The following PDE3B variants were observed in gnomAD, a reference collection of about 807,000 sequenced individuals.
The protein encoded by PDE3B is phosphodiesterase 3B, also known as cGMP-inhibited 3',5'-cyclic phosphodiesterase 3B.
In PDE3B, 66 loss-of-function variants were observed where a neutral mutation model predicts 116.8. The ratio of observed to expected loss-of-function variants is 0.56; its 90% confidence interval spans 0.46 to 0.69. The LOEUF (loss-of-function observed/expected upper bound fraction) is 0.69. Among genes scored for constraint, PDE3B ranks in the 30% least tolerant of loss-of-function variants. The pLI is 0.00. For missense variants in PDE3B, 1,384 were observed against 1,368.1 expected, an observed-to-expected ratio of 1.01 and a Z score of -0.18; for synonymous variants, 595 against 533.6, an observed-to-expected ratio of 1.12 and a Z score of -1.59.
chr11:14,815,474 G>A (rs1367385432), intron 5 of PDE3B, among the ~76,000 whole-genome samples: 1 of 152,132 alleles, frequency 6.6e-6, no homozygotes, highest in Non-Finnish European at 1.5e-5. Flanking sequence ...GATGGCTCTG[G>A]GTTCTTGATG....
intron 1 of PDE3B, among the ~76,000 whole-genome samples, chr11:14,666,313 C>A (rs1854147617): frequency 6.6e-6 from 1 of 150,448 alleles, no homozygotes. Context: ...AACGTTAGAC[C>A]TAAAACCATA....
intron 1 of PDE3B, among the ~76,000 whole-genome samples, chr11:14,741,677 A>G (rs1426564246): frequency 1.3e-5 from 2 of 152,174 alleles, no homozygotes; most frequent in Admixed American, 6.5e-5. Flanking sequence ...CAGTTTCTTC[A>G]TAGTGTCGAT....
chr11:14,797,646 C>A (rs565014626), intron 4 of PDE3B, among the ~76,000 whole-genome samples: 1 of 152,296 alleles, frequency 6.6e-6, no homozygotes, highest in East Asian at 1.9e-4. Context: ...TCCTTCACAA[C>A]CCTTGTGAGT....
intron 5 of PDE3B, among the ~76,000 whole-genome samples, chr11:14,806,992 C>G (rs886766584): frequency 6.6e-6 from 1 of 151,692 alleles, no homozygotes; most frequent in African/African-American, 2.4e-5. Context: ...CCATCATTAG[C>G]AAACCATCAC....
intron 1 of PDE3B, among the ~76,000 whole-genome samples, chr11:14,693,436 G>GCCTA (rs1418774754): frequency 6.6e-6 from 1 of 152,188 alleles, no homozygotes; most frequent in African/African-American, 2.4e-5. Flanking sequence ...AAGCTTTGAA[G>GCCTA]CCTAGGCTGA....
downstream of PDE3B, among the ~76,000 whole-genome samples, chr11:14,874,631 T>C (rs1284977665): frequency 6.6e-6 from 1 of 152,190 alleles, no homozygotes; most frequent in Non-Finnish European, 1.5e-5. Context: ...CTCTTGTAAA[T>C]TGTACTATTA....
At chr11:14,890,840 G>T in the PDE3B span, 2 of 984,568 alleles carry the variant, frequency 2.0e-6, no homozygotes, top group East Asian at 1.1e-4. Context: ...GAGCCACCGC[G>T]CCCGGGCACC....
chr11:14,648,314 T>G (rs988261163), intron 1 of PDE3B, among the ~76,000 whole-genome samples: 14 of 152,114 alleles, frequency 9.2e-5, no homozygotes. Flanking sequence ...TCCGTGGCCC[T>G]AATGCCCATA....
the PDE3B span, among the ~76,000 whole-genome samples, chr11:14,893,453 C>G: frequency 6.6e-6 from 1 of 152,196 alleles, no homozygotes; most frequent in Non-Finnish European, 1.5e-5. Context: ...TGGCTTAAAA[C>G]CACACAAATT....
In PDE3B at chr11:14,643,859, G is replaced by A. The variant is rs898991007; in HGVS notation, c.-217G>A. 2.4e-5 allele frequency: 14 copies of A among 592,752 alleles called. No homozygotes were observed. Among genetic ancestry groups the A allele is most frequent in the Non-Finnish European group, 3.7e-5 (14 of 377,576 alleles). The allele number at this position is 592,752 out of a possible 1,614,324, so 36.7% of individuals were successfully genotyped here. ...GCGGCAGCTAAACTGGTCCTGGAGAGAAGCCCCTTCCGCCCCTCTCCTCAG... is the reference window on the plus strand; with the variant it reads ...GCGGCAGCTAAACTGGTCCTGGAGAAAAGCCCCTTCCGCCCCTCTCCTCAG... On this transcript the variant is annotated 5_prime_UTR_variant, in exon 1 of 16. Transcript: ENST00000282096.
At chr11:14,726,290 A>G (rs1856303474) in intron 1 of PDE3B, among the ~76,000 whole-genome samples, 1 of 151,850 alleles carries the variant, frequency 6.6e-6, no homozygotes. Context: ...GTTCTTGTTT[A>G]TTATTTTTTC....
At chr11:14,850,817 T>C (rs931234151) in intron 12 of PDE3B, among the ~76,000 whole-genome samples, 2 of 151,954 alleles carry the variant, frequency 1.3e-5, no homozygotes, top group African/African-American at 4.8e-5. Context: ...GAACTAAATA[T>C]GTGTTGTGTT....
At chr11:14,880,430 C>T in the PDE3B span, 1 of 1,613,360 alleles carries the variant, frequency 6.2e-7, no homozygotes, top group Non-Finnish European at 8.5e-7. Flanking sequence ...GGCAGGATGC[C>T]AATCCATGGA....
intron 8 of PDE3B, 141 bp downstream of exon 8, chr11:14,830,987 A>G (rs1768597798): frequency 2.4e-6 from 1 of 414,312 alleles, no homozygotes; most frequent in African/African-American, 2.1e-5. Context: ...CTATAACTGA[A>G]ATATTGCTTG....
At chr11:14,667,793 C>T (rs1363105283) in intron 1 of PDE3B, among the ~76,000 whole-genome samples, 1 of 151,152 alleles carries the variant, frequency 6.6e-6, no homozygotes, top group East Asian at 1.9e-4. Flanking sequence ...ACATATGTAA[C>T]AAACTTGCAC....
At position 14,781,937 on chromosome 11, in the gene PDE3B, T is replaced by A. The variant is rs146755574; in HGVS notation, c.1030-4500T>A. On this transcript the variant is annotated intron_variant, in intron 2 of 15. Transcript: ENST00000282096. ...CCCATCATGTCAGCCCCAAATCTCC[T>A]TAAGCTGATAAGCAACTTCAGCAAA... 4.7e-3 allele frequency among the ~76,000 whole-genome samples: 719 copies of A among 152,316 alleles called. 7 individuals are homozygous for A. Among genetic ancestry groups the A allele is most frequent in the South Asian group, 0.037 (178 of 4,832 alleles).
rs1378532161 is a variant in PDE3B, at chr11:14,871,103, A to T, written c.*1443A>T. ...AGTGAAACCATTAATTTTCCAAGGT[A>T]ATTCCTTTAGAATATGGTATTGGCA... is the stretch of plus-strand genomic sequence containing the variant. On this transcript the variant is annotated 3_prime_UTR_variant, in exon 16 of 16. Transcript: ENST00000282096. The T allele has an allele frequency of 1.3e-5, 2 of 152,196 alleles. No individual in the cohort carries two copies. The highest frequency in any genetic ancestry group is 4.8e-5 in the African/African-American group (2 of 41,440). 9.4% of individuals were successfully genotyped at this position (152,196 alleles called of 1,614,324 possible).
chr11:14,672,085 G>A (rs1184143116), intron 1 of PDE3B, among the ~76,000 whole-genome samples: 1 of 147,246 alleles, frequency 6.8e-6, no homozygotes, highest in Non-Finnish European at 1.5e-5. Flanking sequence ...GTGTTTACCA[G>A]ATACTAGTGT....
the PDE3B span, among the ~76,000 whole-genome samples, chr11:14,883,100 C>T: frequency 7.2e-5 from 11 of 152,186 alleles, no homozygotes; most frequent in Admixed American, 2.0e-4. Context: ...TGAAAATGGC[C>T]ATACTGCCCA....
Sources: gnomAD v4.1 joint callset for allele counts (sites outside exome capture counted in the v4.1 genomes callset) on GRCh38, gnomAD v4.1.1 for gene constraint, MANE v1.5 for transcripts, NCBI Gene and HGNC (gene_info 2026-07-23, HGNC 2026-07-21) for gene names.